Variants in AGGF1 observed in about 807,000 individuals in gnomAD.
AGGF1 encodes angiogenic factor with G-patch and FHA domains 1.
AGGF1 carries 56 observed loss-of-function variants against 86.5 expected under a neutral mutation model. The ratio of observed to expected loss-of-function variants is 0.65; its 90% CI spans 0.52 to 0.81. The LOEUF (loss-of-function observed/expected upper bound fraction) is 0.81. Among genes scored for constraint, AGGF1 ranks in the 30% least tolerant of loss-of-function variants. The pLI is 0.00. For missense variants in AGGF1, 816 were observed against 850.9 expected (o/e 0.96, Z 0.51); for synonymous variants, 313 against 297.1 (o/e 1.05, Z -0.55).
At chr5:77,057,209 A>G (rs887354199) in intron 11 of AGGF1, among the ~76,000 whole-genome samples, 12 of 152,336 alleles carry the variant, frequency 7.9e-5, no homozygotes, top group African/African-American at 2.4e-4. Flanking sequence ...AAAGTTAAAC[A>G]TACACCTATT....
At chr5:77,043,380 C>A (rs1445565763) in intron 5 of AGGF1, among the ~76,000 whole-genome samples, 2 of 44,810 alleles carry the variant, frequency 4.5e-5, no homozygotes, top group African/African-American at 1.5e-4. Context: ...ACCTCCCTCC[C>A]GGACGGGGCG....
At position 77,052,822 on chromosome 5, in the gene AGGF1, G is replaced by T; in HGVS notation, c.1467+15G>T. 1 of 1,566,088 alleles carries T rather than the reference G, an allele frequency of 6.4e-7. No homozygotes were observed. ...AGATTCTTCAGGTGAGTGTATATGTGTTAATTTGTTACCTGCACATTATTT... is the reference window on the plus strand; with the variant it reads ...AGATTCTTCAGGTGAGTGTATATGTTTTAATTTGTTACCTGCACATTATTT... On this transcript the variant is annotated intron_variant, in intron 9 of 13. Coordinates refer to ENST00000312916, the MANE Select transcript of AGGF1 (RefSeq NM_018046.5).
rs1253655854 is a variant in AGGF1 at position 77,030,636 on chromosome 5, C to T, written c.-131C>T. ...AGTTTCAGGGCGTCATGGCCAGGGG[C>T]CACCGCGGCCAGCCGGGTGTGAGGC... On this transcript the variant is annotated 5_prime_UTR_variant, in exon 1 of 14. Transcript: ENST00000312916. 4.8e-6 allele frequency: 5 copies of T among 1,044,844 alleles called. No individual in the cohort carries two copies. In the Admixed American group the frequency reaches 8.0e-5, roughly 17 times the overall value. 64.7% of individuals were successfully genotyped at this position (1,044,844 alleles called of 1,614,324 possible). A position where few individuals can be genotyped will look rare whatever the true frequency, so the allele number is the denominator to read the frequency against.
At chr5:77,047,188 A>T (rs1747284099) in intron 6 of AGGF1, among the ~76,000 whole-genome samples, 1 of 152,014 alleles carries the variant, frequency 6.6e-6, no homozygotes, top group Admixed American at 6.5e-5. Context: ...AAGCAACCTC[A>T]GATCAAAAAT....
At chr5:77,036,869 C>CTACT in intron 4 of AGGF1, 149 bp downstream of exon 4, 2 of 881,644 alleles carry the variant, frequency 2.3e-6, no homozygotes, top group Non-Finnish European at 1.8e-6. Context: ...TCCCAAGTAG[C>CTACT]TGGGATTACA....
intron 1 of AGGF1, 37 bp downstream of exon 1, chr5:77,031,013 C>T: frequency 6.2e-7 from 1 of 1,607,112 alleles, no homozygotes. Context: ...CCCATCCAGC[C>T]CAGGCGAGGC....
intron 4 of AGGF1, among the ~76,000 whole-genome samples, chr5:77,037,222 A>G (rs1404194153): frequency 6.6e-6 from 1 of 152,228 alleles, no homozygotes; most frequent in East Asian, 1.9e-4. Context: ...ATAACAGACA[A>G]AAATACTGGA....
chr5:77,030,686 A>G lies in AGGF1; in HGVS notation c.-81A>G. The G allele has an allele frequency of 6.8e-7, 1 of 1,474,398 alleles. No homozygotes were observed. The highest frequency in any genetic ancestry group is 9.1e-7 in the Non-Finnish European group (1 of 1,095,760). The allele number at this position is 1,474,398 out of a possible 1,614,324, so 91.3% of individuals were successfully genotyped here. ...CTGCCTTTCGCTGCCCGCGCGCTCC[A>G]GTGGTCTCTGGGTCCGCCGGCGTCC... is the stretch of plus-strand genomic sequence containing the variant. On this transcript the variant is annotated 5_prime_UTR_variant, in exon 1 of 14. Coordinates refer to ENST00000312916, the MANE Select transcript of AGGF1 (RefSeq NM_018046.5).
chr5:77,032,028 A>C (rs1239478246), intron 1 of AGGF1, among the ~76,000 whole-genome samples: 2 of 152,082 alleles, frequency 1.3e-5, no homozygotes, highest in Non-Finnish European at 2.9e-5. Context: ...GTCCTTCATA[A>C]TTTATTGGTG....
chr5:77,050,678 G>A lies in AGGF1; in HGVS notation c.1365+1691G>A, dbSNP rs116768288. Among the ~76,000 whole-genome samples, 593 of 152,130 alleles carry A rather than the reference G, an allele frequency of 3.9e-3. 3 individuals carry two copies. The highest frequency in any genetic ancestry group is 0.014 in the African/African-American group (566 of 41,488). ...AGAAGACTTTCTGAGTTTAAAAAATGGTAAAAATTACAAAGGACAAAATGA... is the reference window on the plus strand; with the variant it reads ...AGAAGACTTTCTGAGTTTAAAAAATAGTAAAAATTACAAAGGACAAAATGA... On this transcript the variant is annotated intron_variant, in intron 8 of 13. Transcript: ENST00000312916.
rs535888685 is a variant in AGGF1 at position 77,034,649 on chromosome 5, C to T, written c.313+129C>T. Reference sequence around the variant, plus strand: ...AATTGTTAATACTGTTGACGTCTCTCCATATGATAATGGTATTTTCGGATA... The same window carrying T: ...AATTGTTAATACTGTTGACGTCTCTTCATATGATAATGGTATTTTCGGATA... On this transcript the variant is annotated intron_variant, in intron 2 of 13. Transcript: ENST00000312916. 4.8e-5 allele frequency: 34 copies of T among 705,656 alleles called. No homozygotes were observed. In the African/African-American group the frequency reaches 5.7e-4, roughly 12 times the overall value. The allele number at this position is 705,656 out of a possible 1,614,324, so 43.7% of individuals were successfully genotyped here.
chr5:77,063,322 A>G lies in AGGF1; in HGVS notation c.*70A>G. On this transcript the variant is annotated 3_prime_UTR_variant, in exon 14 of 14. Transcript: ENST00000312916. ...ATTTGGAAACTTATTTTTTCTCCCC[A>G]AAAGAATCAGCAGCACAGGGGAACT... 2 of 1,428,832 alleles carry G rather than the reference A, an allele frequency of 1.4e-6. No individual in the cohort carries two copies. Among genetic ancestry groups the G allele is most frequent in the South Asian group, 1.2e-5 (1 of 82,396 alleles). The allele number at this position is 1,428,832 out of a possible 1,614,324, so 88.5% of individuals were successfully genotyped here. A position where few individuals can be genotyped will look rare whatever the true frequency, so the allele number is the denominator to read the frequency against.
Position 77,030,734 on chromosome 5 carries a change from T to C in AGGF1, c.-33T>C. ...TCCGTTTCGGCCTGAACGCAGCCCC[T>C]CCGCGGCGACGAGCAGTCTCGCGCC... On this transcript the variant is annotated 5_prime_UTR_variant, in exon 1 of 14. Coordinates refer to ENST00000312916, the MANE Select transcript of AGGF1 (RefSeq NM_018046.5). 6.5e-7 allele frequency: 1 copy of C among 1,548,054 alleles called. No homozygotes were observed. Among genetic ancestry groups the C allele is most frequent in the Non-Finnish European group, 8.7e-7 (1 of 1,153,524 alleles).
chr5:77,063,430 G>T lies in AGGF1; in HGVS notation c.*178G>T, dbSNP rs951198604. 4 of 662,450 alleles carry T rather than the reference G, an allele frequency of 6.0e-6. No individual in the cohort carries two copies. The Admixed American group carries it at 1.2e-4, about 20-fold the overall frequency. 41.0% of individuals were successfully genotyped at this position (662,450 alleles called of 1,614,324 possible). ...ACCATTTTTTTAAAACTAATAAATA[G>T]TGACTGAACCAATTTATGCAGTAAA... On this transcript the variant is annotated 3_prime_UTR_variant, in exon 14 of 14. Transcript: ENST00000312916.
At chr5:77,038,500 T>G (rs1203373347) in intron 4 of AGGF1, among the ~76,000 whole-genome samples, 1 of 152,184 alleles carries the variant, frequency 6.6e-6, no homozygotes, top group Non-Finnish European at 1.5e-5. Context: ...TATTTTGGAC[T>G]GATAAACAGA....
At chr5:77,054,899 T>C (rs1035564967) in intron 10 of AGGF1, among the ~76,000 whole-genome samples, 1 of 152,148 alleles carries the variant, frequency 6.6e-6, no homozygotes, top group Non-Finnish European at 1.5e-5. Flanking sequence ...GTCCTATTGA[T>C]AGCTCGTGCT....
At position 77,042,494 on chromosome 5, in the gene AGGF1, A is replaced by AC. The variant is rs369692581; in HGVS notation, c.870+2783dup. 2.2e-3 allele frequency among the ~76,000 whole-genome samples: 69 copies of AC among 31,932 alleles called. 2 individuals are homozygous for AC. The highest frequency in any genetic ancestry group is 5.5e-3 in the African/African-American group (59 of 10,768). The allele number at this position is 31,932 out of a possible 152,430, so 20.9% of individuals were successfully genotyped here. A position where few individuals can be genotyped will look rare whatever the true frequency, so the allele number is the denominator to read the frequency against. ...GGGCGGCTGGCCGGGCGGGGGGCTG[A>AC]CCCCCCCCACCTCCCTCCCGGACGG... On this transcript the variant is annotated intron_variant, in intron 5 of 13. Coordinates refer to ENST00000312916, the MANE Select transcript of AGGF1 (RefSeq NM_018046.5).
intron 5 of AGGF1, among the ~76,000 whole-genome samples, chr5:77,044,188 C>T (rs1396585658): frequency 6.7e-6 from 1 of 149,826 alleles, no homozygotes; most frequent in Non-Finnish European, 1.5e-5. Flanking sequence ...GGCGGCCGGG[C>T]AGAGGCTGCA....
rs371187007 is a variant in AGGF1 at position 77,063,163 on chromosome 5, C to T, written c.2056C>T (p.Arg686Ter). Residue 686 changes from arginine (R) to a stop codon, truncating the protein, a stop_gained, in exon 14 of 14, where the codon CGA (arginine) becomes TGA (stop). Coordinates refer to ENST00000312916, the MANE Select transcript of AGGF1 (RefSeq NM_018046.5). LOFTEE classifies it high-confidence loss of function. ...GAACAAAAAAAACTGGGACAAAGCA[C>T]GAGAGCGGTTTACTGAAAACTTCCC... Reference protein sequence around the residue: ...NKNKKNWDKARERFTENFPET... With the variant: ...NKNKKNWDKA 17 of 1,613,724 alleles carry T rather than the reference C, an allele frequency of 1.1e-5. No homozygotes were observed. The highest frequency in any genetic ancestry group is 4.4e-5 in the South Asian group (4 of 91,068).
Sources: gnomAD v4.1 joint callset for allele counts (sites outside exome capture counted in the v4.1 genomes callset) on GRCh38, gnomAD v4.1.1 for gene constraint, MANE v1.5 for transcripts, NCBI Gene and HGNC (gene_info 2026-07-23, HGNC 2026-07-21) for gene names.